The following SRSF7 variants were observed in gnomAD, a reference collection of about 807,000 sequenced individuals.
SRSF7 encodes serine/arginine-rich splicing factor 7.
A neutral mutation model predicts 42.2 loss-of-function variants in SRSF7; 15 were observed. The observed-to-expected ratio is 0.36, with a 90% CI of 0.24 to 0.55. SRSF7 has a LOEUF of 0.55. Ranked by LOEUF, SRSF7 falls within the 20% of genes least tolerant of loss-of-function variation. The pLI is 0.88. For synonymous variants in SRSF7, 138 were observed against 107.9 expected, an observed-to-expected ratio of 1.28 and a Z score of -1.73; for missense variants, 181 against 305.9, an observed-to-expected ratio of 0.59 and a Z score of 3.04.
In SRSF7 at chr2:38,745,030, G is replaced by T; in HGVS notation, c.*103C>A. ...TAGTAATCCAGATCCATTTTGATTAGATGGTTGAATTATCTTTCCTAGGTT... is the reference window on the plus strand; with the variant it reads ...TAGTAATCCAGATCCATTTTGATTATATGGTTGAATTATCTTTCCTAGGTT... On this transcript the variant is annotated 3_prime_UTR_variant, in exon 8 of 8. Transcript: ENST00000313117. 2 of 1,161,390 alleles carry T rather than the reference G, an allele frequency of 1.7e-6. No homozygotes were observed. Among genetic ancestry groups the T allele is most frequent in the Non-Finnish European group, 2.5e-6 (2 of 803,650 alleles). The allele number at this position is 1,161,390 out of a possible 1,614,324, so 71.9% of individuals were successfully genotyped here. A position where few individuals can be genotyped will look rare whatever the true frequency, so the allele number is the denominator to read the frequency against.
At chr2:38,750,346 G>GA in intron 1 of SRSF7, 152 bp from the exon 2 acceptor site, 1 of 623,294 alleles carries the variant, frequency 1.6e-6, no homozygotes, top group East Asian at 3.1e-5. Flanking sequence ...TAAAACTGGT[G>GA]AAAGTCCGCA....
At chr2:38,748,830 TG>T in intron 3 of SRSF7, 177 bp from the exon 4 acceptor site, 1 of 1,303,456 alleles carries the variant, frequency 7.7e-7, no homozygotes, top group Non-Finnish European at 1.0e-6. Flanking sequence ...AAAAAAGATT[TG>T]TTAAAAGCTG....
At chr2:38,749,208 C>G in intron 3 of SRSF7, 1 of 1,348,820 alleles carries the variant, frequency 7.4e-7, no homozygotes, top group Non-Finnish European at 9.8e-7. Flanking sequence ...GTGTAGATGA[C>G]TCGAGGGGAT....
chr2:38,746,482 G>A (rs891292432), intron 6 of SRSF7, among the ~76,000 whole-genome samples: 11 of 152,150 alleles, frequency 7.2e-5, no homozygotes, highest in Admixed American at 2.6e-4. Context: ...AATCCCCCAA[G>A]TCATAAGCTT....
chr2:38,750,661 GC>G (rs1668186287), intron 1 of SRSF7, among the ~76,000 whole-genome samples: 1 of 150,074 alleles, frequency 6.7e-6, no homozygotes, highest in East Asian at 2.0e-4. Flanking sequence ...CCAGCTCCCC[GC>G]CCCAGAGCCA....
intron 4 of SRSF7, 93 bp downstream of exon 4, chr2:38,748,486 C>T (rs992320709): frequency 1.5e-6 from 2 of 1,309,606 alleles, no homozygotes; most frequent in African/African-American, 1.5e-5. Flanking sequence ...GAGCAAGACC[C>T]TGTCTCCAAA....
chr2:38,747,476 A>G (rs867379895), intron 5 of SRSF7, among the ~76,000 whole-genome samples: 12 of 152,200 alleles, frequency 7.9e-5, no homozygotes, highest in Non-Finnish European at 1.6e-4. Context: ...TGCAATACTT[A>G]TTTTACAATT....
At chr2:38,746,204 TAAAGAA>T (rs1170633166) in intron 6 of SRSF7, 25 bp from the exon 7 acceptor site, 1 of 1,613,466 alleles carries the variant, frequency 6.2e-7, no homozygotes, top group Non-Finnish European at 8.5e-7. Flanking sequence ...GAAATTCTAT[TAAAGAA>T]AGAGTACTAA....
rs984966381 is a variant in SRSF7 at position 38,749,473 on chromosome 2, T to C, written c.386+56A>G. ...AAAACACTAGTTTCTGCCTTGCTAA[T>C]AAAAGAATTACTTGATTAACTAGAA... On this transcript the variant is annotated intron_variant, in intron 3 of 7. Coordinates refer to ENST00000313117, the MANE Select transcript of SRSF7 (RefSeq NM_001031684.3). 5.2e-6 allele frequency: 8 copies of C among 1,544,986 alleles called. No individual in the cohort carries two copies. In the African/African-American group the frequency reaches 5.5e-5, roughly 11 times the overall value.
chr2:38,751,210 C>T lies in SRSF7; in HGVS notation c.28+19G>A, dbSNP rs1223848406. The T allele has an allele frequency of 4.3e-6, 7 of 1,614,052 alleles. No individual in the cohort carries two copies. The highest frequency in any genetic ancestry group is 5.9e-6 in the Non-Finnish European group (7 of 1,179,936). On this transcript the variant is annotated intron_variant, in intron 1 of 7. Transcript: ENST00000313117. ...ACTACACCCACACCAACGTCCCTCA[C>T]CGGACTCCAGCTTCTTACCTCCTCC...
At chr2:38,748,291 C>T in intron 4 of SRSF7, 134 bp from the exon 5 acceptor site, 1 of 709,832 alleles carries the variant, frequency 1.4e-6, no homozygotes, top group Non-Finnish European at 2.4e-6. Flanking sequence ...AGCCCAGGAG[C>T]TTGAGACCAG....
At chr2:38,748,261 C>G (rs1341699868) in intron 4 of SRSF7, 104 bp from the exon 5 acceptor site, 1 of 841,040 alleles carries the variant, frequency 1.2e-6, no homozygotes, top group Non-Finnish European at 1.9e-6. Flanking sequence ...ATAATCCCAG[C>G]ACTGCGGGAG....
chr2:38,748,863 A>G, intron 3 of SRSF7: 2 of 1,365,122 alleles, frequency 1.5e-6, no homozygotes, highest in Non-Finnish European at 1.9e-6. Context: ...AGCATTACAT[A>G]ATATAAAACA....
At chr2:38,748,247 G>T in intron 4 of SRSF7, 90 bp from the exon 5 acceptor site, 1 of 956,472 alleles carries the variant, frequency 1.0e-6, no homozygotes. Context: ...AGTGGCTCAT[G>T]CCCATAATCC....
At chr2:38,750,419 T>C (rs1335146197) in intron 1 of SRSF7, among the ~76,000 whole-genome samples, 1 of 151,430 alleles carries the variant, frequency 6.6e-6, no homozygotes. Flanking sequence ...GGGGTGACCC[T>C]CCCGAACACA....
intron 1 of SRSF7, 46 bp downstream of exon 1, chr2:38,751,183 T>C: frequency 1.2e-6 from 2 of 1,613,040 alleles, no homozygotes; most frequent in Middle Eastern, 1.7e-4. Context: ...CTCGCAGTGC[T>C]CACTACACCC....
At chr2:38,748,478 G>GC in intron 4 of SRSF7, 101 bp downstream of exon 4, 1 of 1,218,830 alleles carries the variant, frequency 8.2e-7, no homozygotes, top group Non-Finnish European at 1.2e-6. Context: ...GGGTGACAGA[G>GC]CAAGACCCTG....
At chr2:38,746,616 C>A in intron 6 of SRSF7, 78 bp downstream of exon 6, 3 of 1,585,568 alleles carry the variant, frequency 1.9e-6, no homozygotes, top group Non-Finnish European at 2.6e-6. Context: ...CTTAAAATTT[C>A]AACAATTAAA....
Position 38,746,686 on chromosome 2 carries a change from T to C in SRSF7, c.626+8A>G. The C allele has an allele frequency of 6.2e-7, 1 of 1,613,352 alleles. No homozygotes were observed. Among genetic ancestry groups the C allele is most frequent in the Non-Finnish European group, 8.5e-7 (1 of 1,179,808 alleles). ...AACTAGAAAAGCATAATCAAATTTT[T>C]ACCCTACCTGCTTCTTGGTCGTGAA... On this transcript the variant is annotated splice_region_variant and intron_variant, in intron 6 of 7. Transcript: ENST00000313117.
Sources: gnomAD v4.1 joint callset for allele counts (sites outside exome capture counted in the v4.1 genomes callset) on GRCh38, gnomAD v4.1.1 for gene constraint, MANE v1.5 for transcripts, NCBI Gene and HGNC (gene_info 2026-07-23, HGNC 2026-07-21) for gene names.